Variants in DNAH8 observed in about 807,000 individuals in gnomAD.
DNAH8 encodes the protein axonemal beta dynein heavy chain 8.
Under a neutral mutation model 562.1 loss-of-function variants are expected in DNAH8, and 382 were observed. The ratio of observed to expected loss-of-function variants is 0.68; its 90% confidence interval spans 0.63 to 0.74. The LOEUF is 0.74. Ranked by LOEUF, DNAH8 falls within the 30% of genes least tolerant of loss-of-function variation. The pLI, the probability that DNAH8 is intolerant of heterozygous loss-of-function variation, is 0.00. For missense variants in DNAH8, 5,203 were observed against 5,620.4 expected (o/e 0.93, Z 2.37); for synonymous variants, 1,881 against 1,919.4 (o/e 0.98, Z 0.52).
chr6:38,920,178 A>G (rs985654621), intron 70 of DNAH8, among the ~76,000 whole-genome samples: 1 of 152,152 alleles, frequency 6.6e-6, no homozygotes, highest in East Asian at 1.9e-4. Flanking sequence ...CAGTGGTGCA[A>G]TCATAGCTTA....
intron 92 of DNAH8, among the ~76,000 whole-genome samples, chr6:39,028,830 CCCATGGTTTTACTGT>C (rs1221971586): frequency 1.3e-5 from 2 of 152,176 alleles, no homozygotes; most frequent in Non-Finnish European, 2.9e-5. Context: ...TCTGGGACTG[CCCATGGTTTTACTGT>C]CAAATCATGT....
intron 48 of DNAH8, 144 bp from the exon 49 acceptor site, chr6:38,870,257 A>G (rs1201843925): frequency 1.5e-6 from 1 of 676,054 alleles, no homozygotes; most frequent in East Asian, 2.8e-5. Context: ...TATTCTGGAG[A>G]AAGTACTAGA....
Position 38,866,817 on chromosome 6 carries a change from A to G in DNAH8, c.6634A>G (p.Ile2212Val), listed in dbSNP as rs780706523. 4.3e-6 allele frequency: 7 copies of G among 1,613,548 alleles called. No individual in the cohort carries two copies. The highest frequency in any genetic ancestry group is 2.2e-5 in the East Asian group (1 of 44,776). The change falls in exon 47 of 93, where the codon ATC (isoleucine) becomes GTC (valine). Residue 2212 changes from isoleucine (I) to valine (V), a missense_variant. Ile to Val is a conservative substitution (Grantham distance 29, BLOSUM62 3). This residue lies in a region of DNAH8 where 2,176 missense variants were observed against 2,365.1 expected (regional missense o/e 0.92). Transcript: ENST00000327475. ...LASCGFLENVILAQKFYVLYK... is the reference protein window; with the variant it reads ...LASCGFLENVVLAQKFYVLYK... Reference sequence around the variant, plus strand: ...AAGCTGTGGTTTTCTTGAAAATGTTATCTTGGCTCAAAAATTTTACGTTCT... The same window carrying G: ...AAGCTGTGGTTTTCTTGAAAATGTTGTCTTGGCTCAAAAATTTTACGTTCT...
At chr6:38,772,553 T>C (rs1767674627) in intron 12 of DNAH8, among the ~76,000 whole-genome samples, 1 of 152,198 alleles carries the variant, frequency 6.6e-6, no homozygotes, top group African/African-American at 2.4e-5. Flanking sequence ...GAGTTATTTG[T>C]CTTTTTATTG....
At chr6:38,797,158 C>G (rs1388887826) in intron 21 of DNAH8, among the ~76,000 whole-genome samples, 1 of 152,134 alleles carries the variant, frequency 6.6e-6, no homozygotes, top group Non-Finnish European at 1.5e-5. Context: ...CTTTGGGAGG[C>G]CAAGGCAGGT....
chr6:38,745,397 A>T (rs768645748), intron 8 of DNAH8, among the ~76,000 whole-genome samples: 1 of 152,222 alleles, frequency 6.6e-6, no homozygotes, highest in Non-Finnish European at 1.5e-5. Context: ...TGACAATTAC[A>T]ATGCAAACTT....
At chr6:38,809,035 C>G (rs113984387) in intron 24 of DNAH8, among the ~76,000 whole-genome samples, 60 of 151,518 alleles carry the variant, frequency 4.0e-4, no homozygotes, top group Non-Finnish European at 8.1e-4. Flanking sequence ...CATGTGTATA[C>G]CTATGTAACA....
intron 7 of DNAH8, 131 bp from the exon 8 acceptor site, chr6:38,741,580 A>T: frequency 1.4e-6 from 1 of 700,868 alleles, no homozygotes; most frequent in Non-Finnish European, 2.3e-6. Flanking sequence ...GTCTTCATTT[A>T]CTGAGAGTTT....
intron 80 of DNAH8, among the ~76,000 whole-genome samples, chr6:38,947,577 A>G (rs1761537215): frequency 6.6e-6 from 1 of 152,134 alleles, no homozygotes; most frequent in Admixed American, 6.5e-5. Context: ...CCTGTGCCTC[A>G]GCTGCAGATG....
rs143890238 is a variant in DNAH8 at position 38,751,422 on chromosome 6, G to T, written c.1407+833G>T. Among the ~76,000 whole-genome samples the T allele has an allele frequency of 2.2e-3, 342 of 152,308 alleles. 3 individuals are homozygous for T. The highest frequency in any genetic ancestry group is 8.0e-3 in the African/African-American group (334 of 41,562). ...TGGTTCACTCTGGGTGGGTAGGGGA[G>T]TATACAAGGGTGTGAGTACTATGTG... On this transcript the variant is annotated intron_variant, in intron 9 of 92. Transcript: ENST00000327475.
intron 7 of DNAH8, among the ~76,000 whole-genome samples, chr6:38,738,528 G>A (rs1764281084): frequency 6.6e-6 from 1 of 152,150 alleles, no homozygotes; most frequent in Non-Finnish European, 1.5e-5. Context: ...TAAACACTGT[G>A]AAAGAAAATC....
intron 58 of DNAH8, among the ~76,000 whole-genome samples, chr6:38,892,011 C>G (rs1024118739): frequency 6.6e-6 from 1 of 152,120 alleles, no homozygotes; most frequent in Non-Finnish European, 1.5e-5. Context: ...CTAAATGATC[C>G]TTTAGCAGCA....
chr6:38,865,914 C>T (rs1366533528), intron 45 of DNAH8, among the ~76,000 whole-genome samples: 2 of 152,220 alleles, frequency 1.3e-5, no homozygotes, highest in East Asian at 1.9e-4. Flanking sequence ...CCTAAAATAA[C>T]TCATTCCTGT....
chr6:38,748,117 G>T (rs1297464690), intron 8 of DNAH8, among the ~76,000 whole-genome samples: 1 of 152,140 alleles, frequency 6.6e-6, no homozygotes, highest in African/African-American at 2.4e-5. Flanking sequence ...ATGTCTCCTG[G>T]TGCACATGTG....
In DNAH8 at chr6:38,929,677, TAA is replaced by T. The variant is rs376615002; in HGVS notation, c.11274+25_11274+26del. On this transcript the variant is annotated intron_variant, in intron 75 of 92. Transcript: ENST00000327475. Reference sequence around the variant, plus strand: ...GGCACCACTTTCAAGGTGAGCTTTGTAAAAAAAAAAAAAAAGAAAGAAAGAAA... The same window carrying T: ...GGCACCACTTTCAAGGTGAGCTTTGTAAAAAAAAAAAAAGAAAGAAAGAAA... The T allele has an allele frequency of 9.4e-3, 9,835 of 1,049,002 alleles. No homozygotes were observed. Among genetic ancestry groups the T allele is most frequent in the South Asian group, 0.013 (547 of 41,382 alleles). The allele number at this position is 1,049,002 out of a possible 1,614,324, so 65.0% of individuals were successfully genotyped here.
chr6:39,003,065 A>G lies in DNAH8; in HGVS notation c.13215-5749A>G, dbSNP rs144266111. 7.9e-5 allele frequency among the ~76,000 whole-genome samples: 12 copies of G among 152,320 alleles called. No homozygotes were observed. In the South Asian group the frequency reaches 1.0e-3, roughly 13 times the overall value. ...TTCCTAAATGAATCCAAAGGCTGCT[A>G]TATAGGATTTCCTCTACTCCCCACC... On this transcript the variant is annotated intron_variant, in intron 88 of 92. Coordinates refer to ENST00000327475, the MANE Select transcript of DNAH8 (RefSeq NM_001206927.2).
At chr6:38,794,354 C>T (rs1482690107) in intron 21 of DNAH8, among the ~76,000 whole-genome samples, 1 of 151,388 alleles carries the variant, frequency 6.6e-6, no homozygotes, top group African/African-American at 2.4e-5. Context: ...CCCATAGAAG[C>T]TATGGTTTCA....
intron 82 of DNAH8, among the ~76,000 whole-genome samples, chr6:38,957,866 C>CAAAAAAAAAAAAA (rs1209427701): frequency 3.0e-4 from 23 of 75,892 alleles, no homozygotes; most frequent in East Asian, 1.3e-3. Context: ...ATGCCTACAC[C>CAAAAAAAAAAAAA]AAAAAAAAAA....
intron 42 of DNAH8, among the ~76,000 whole-genome samples, 160 bp from the exon 43 acceptor site, chr6:38,860,297 T>C (rs1054032674): frequency 2.0e-5 from 3 of 152,216 alleles, no homozygotes; most frequent in African/African-American, 7.2e-5. Context: ...ATCTCTGTCT[T>C]TGTTTGCCTA....
Sources: allele counts gnomAD v4.1 joint callset (sites outside exome capture counted in the v4.1 genomes callset), GRCh38; gene constraint gnomAD v4.1.1; regional missense constraint gnomAD v4.1.1; transcripts MANE v1.5; gene names NCBI Gene and HGNC (gene_info 2026-07-23, HGNC 2026-07-21).